CCDC171: variants seen among roughly 807,000 people sequenced by gnomAD.
CCDC171 encodes coiled-coil domain containing 171.
CCDC171 carries 177 observed loss-of-function variants against 168.2 expected under a neutral mutation model. That is an observed-to-expected ratio of 1.05 (90% CI 0.93 to 1.19). CCDC171 has a LOEUF of 1.19. Ranked by LOEUF, CCDC171 falls within the 50% of genes most tolerant of loss-of-function variation. The pLI, the probability that CCDC171 is intolerant of heterozygous loss-of-function variation, is 0.00. For synonymous variants in CCDC171, 687 were observed against 540.8 expected, an observed-to-expected ratio of 1.27 and a Z score of -3.75; for missense variants, 1,991 against 1,539.0, an observed-to-expected ratio of 1.29 and a Z score of -4.91.
chr9:15,798,866 T>G (rs1401072078), intron 21 of CCDC171, among the ~76,000 whole-genome samples: 1 of 151,950 alleles, frequency 6.6e-6, no homozygotes. Context: ...TTTTTACTTT[T>G]AGGGGCTGCT....
At chr9:16,031,798 T>C (rs943787) in intron 6 of CCDC171, among the ~76,000 whole-genome samples, 56,172 of 151,942 alleles carry the variant, frequency 0.37, 12,248 homozygotes, top group East Asian at 0.63. Context: ...AGGGGGAACA[T>C]GTTGAGATGG....
chr9:15,768,263 T>C (rs2056839751), intron 18 of CCDC171, among the ~76,000 whole-genome samples: 1 of 152,124 alleles, frequency 6.6e-6, no homozygotes, highest in Admixed American at 6.5e-5. Flanking sequence ...AACTTCCTTC[T>C]GAAAACTGTC....
chr9:15,787,652 A>G (rs1339518789), intron 21 of CCDC171, among the ~76,000 whole-genome samples: 1 of 152,144 alleles, frequency 6.6e-6, no homozygotes, highest in Non-Finnish European at 1.5e-5. Flanking sequence ...CTAGATGAGG[A>G]ATTACTAGGT....
the CCDC171 span, among the ~76,000 whole-genome samples, chr9:16,079,539 G>A: frequency 4.6e-5 from 7 of 152,320 alleles, no homozygotes; most frequent in East Asian, 1.4e-3. Context: ...GTTGGATGAA[G>A]GCAAGAAGCA....
chr9:16,102,534 T>A, the CCDC171 span, among the ~76,000 whole-genome samples: 1 of 151,754 alleles, frequency 6.6e-6, no homozygotes, highest in African/African-American at 2.4e-5. Context: ...GGTACAAATA[T>A]AAACAGGGAA....
In CCDC171 at chr9:15,993,566, A is replaced by G. The variant is rs572531646; in HGVS notation, n.369-27023A>G. ...CTTCATGTCTAAAACACCAAAAGCA[A>G]TGGCAACAAAAGCCAAAATTGACAA... is the stretch of plus-strand genomic sequence containing the variant. On this transcript the variant is annotated intron_variant and non_coding_transcript_variant, in intron 3 of 9. Transcript: ENST00000486641. Among the ~76,000 whole-genome samples the G allele has an allele frequency of 8.5e-5, 13 of 152,336 alleles. No individual in the cohort carries two copies. In the South Asian group the frequency reaches 1.9e-3, roughly 22 times the overall value.
At chr9:15,865,275 T>A (rs1294625320) in intron 23 of CCDC171, among the ~76,000 whole-genome samples, 1 of 152,092 alleles carries the variant, frequency 6.6e-6, no homozygotes, top group Non-Finnish European at 1.5e-5. Context: ...ATATACATTT[T>A]TAGTATGTAT....
chr9:15,565,000 G>T (rs376698565), intron 2 of CCDC171, among the ~76,000 whole-genome samples: 2 of 152,014 alleles, frequency 1.3e-5, no homozygotes. Context: ...CAGCAAGGAT[G>T]TGTGGGTGGG....
chr9:15,742,225 C>T (rs2054926399), intron 16 of CCDC171, among the ~76,000 whole-genome samples: 1 of 152,170 alleles, frequency 6.6e-6, no homozygotes, highest in Admixed American at 6.5e-5. Context: ...TTCTGATTCT[C>T]ACATCCCTTT....
At chr9:15,802,720 G>C (rs192387162) in intron 21 of CCDC171, among the ~76,000 whole-genome samples, 1 of 152,200 alleles carries the variant, frequency 6.6e-6, no homozygotes, top group African/African-American at 2.4e-5. Flanking sequence ...ATGAACATAT[G>C]CATGCATGTG....
At chr9:16,065,393 G>C (rs1410507084), downstream of CCDC171, among the ~76,000 whole-genome samples, 3 of 152,068 alleles carry the variant, frequency 2.0e-5, no homozygotes, top group Admixed American at 2.0e-4. Flanking sequence ...ATGGGAGATT[G>C]TCTCTCTGTG....
rs754803666 is a variant in CCDC171 at position 15,971,781 on chromosome 9, C to T, written c.3926C>T (p.Ser1309Phe). ...TVPHALTSSH[S>F]SPVTMSANAN... ...CCCCATGCTCTGACATCATCTCACT[C>T]CTCTCCAGTGACTATGTCTGCTAAT... The change falls in exon 26 of 26, where the codon TCC becomes TTC. Residue 1309 changes from serine (S) to phenylalanine (F), a missense_variant. By Grantham distance (155) the Ser-to-Phe change is radical. Transcript: ENST00000380701. 1.2e-6 allele frequency: 2 copies of T among 1,613,816 alleles called. No homozygotes were observed. The highest frequency in any genetic ancestry group is 1.7e-6 in the Non-Finnish European group (2 of 1,179,890).
intron 23 of CCDC171, among the ~76,000 whole-genome samples, chr9:15,858,906 G>C (rs1292492574): frequency 6.6e-6 from 1 of 152,000 alleles, no homozygotes; most frequent in East Asian, 1.9e-4. Flanking sequence ...CGCTTGCTAG[G>C]ACATTCAGTG....
Position 15,848,958 on chromosome 9 carries a change from T to G in CCDC171, c.3468+11T>G. Reference sequence around the variant, plus strand: ...AATACGCTTCACAAGGTACTGTTATTTTTCTTTAATATTGTTCAATTTGTG... The same window carrying G: ...AATACGCTTCACAAGGTACTGTTATGTTTCTTTAATATTGTTCAATTTGTG... On this transcript the variant is annotated intron_variant, in intron 23 of 25. Transcript: ENST00000380701. 6.9e-7 allele frequency: 1 copy of G among 1,456,410 alleles called. No homozygotes were observed. The highest frequency in any genetic ancestry group is 1.3e-5 in the South Asian group (1 of 77,228). 90.2% of individuals were successfully genotyped at this position (1,456,410 alleles called of 1,614,324 possible).
At chr9:15,626,968 C>G (rs1473850573) in intron 7 of CCDC171, among the ~76,000 whole-genome samples, 1 of 152,110 alleles carries the variant, frequency 6.6e-6, no homozygotes, top group Non-Finnish European at 1.5e-5. Flanking sequence ...GGTTTGTAGG[C>G]TATTAATTAT....
At chr9:15,563,849 A>G (rs1030996376) in intron 1 of CCDC171, 129 bp from the exon 2 acceptor site, 1 of 424,820 alleles carries the variant, frequency 2.4e-6, no homozygotes, top group African/African-American at 2.1e-5. Flanking sequence ...TCTGAGGTCT[A>G]GATATCTCTA....
chr9:15,772,814 A>G (rs894056345), intron 18 of CCDC171, among the ~76,000 whole-genome samples: 1 of 152,180 alleles, frequency 6.6e-6, no homozygotes, highest in Non-Finnish European at 1.5e-5. Context: ...AGTGCGTCTT[A>G]GATATGGCCA....
chr9:15,707,697 A>G (rs1033571149), intron 11 of CCDC171, among the ~76,000 whole-genome samples: 4 of 152,058 alleles, frequency 2.6e-5, no homozygotes, highest in Non-Finnish European at 4.4e-5. Context: ...TCTCTTTCCT[A>G]CTTTTTCTGG....
At chr9:16,032,063 C>T (rs766877263) in intron 6 of CCDC171, among the ~76,000 whole-genome samples, 2 of 152,128 alleles carry the variant, frequency 1.3e-5, no homozygotes, top group African/African-American at 2.4e-5. Flanking sequence ...GCATCCGTGC[C>T]GAGGAAGGGA....
Sources: gnomAD v4.1 joint callset for allele counts (sites outside exome capture counted in the v4.1 genomes callset) on GRCh38, gnomAD v4.1.1 for gene constraint, MANE v1.5 for transcripts, NCBI Gene and HGNC (gene_info 2026-07-23, HGNC 2026-07-21) for gene names.